ARHGEF28: variants seen among roughly 807,000 people sequenced by gnomAD.
ARHGEF28 encodes Rho guanine nucleotide exchange factor 28.
A neutral mutation model predicts 206.6 loss-of-function variants in ARHGEF28; 152 were observed. The ratio of observed to expected loss-of-function variants is 0.74; its 90% CI spans 0.64 to 0.84. The LOEUF (loss-of-function observed/expected upper bound fraction) is 0.84, where lower values mean the gene tolerates loss of function less well. Ranked by LOEUF, ARHGEF28 falls within the 40% of genes least tolerant of loss-of-function variation. The pLI, the probability that ARHGEF28 is intolerant of heterozygous loss-of-function variation, is 0.00. For synonymous variants in ARHGEF28, 763 were observed against 776.4 expected, an observed-to-expected ratio of 0.98 and a Z score of 0.29; for missense variants, 2,028 against 2,073.2, an observed-to-expected ratio of 0.98 and a Z score of 0.42.
chr5:73,688,077 T>G lies in ARHGEF28; in HGVS notation c.33+3193T>G, dbSNP rs1161168188. On this transcript the variant is annotated intron_variant, in intron 2 of 35. Transcript: ENST00000513042. ...AAGATATCCTCTCCATTGGAATTTG[T>G]GAAGAATCCATTACATATTGGGAGG... Among the ~76,000 whole-genome samples the G allele has an allele frequency of 4.6e-5, 7 of 152,310 alleles. No individual in the cohort carries two copies. The East Asian group carries it at 1.3e-3, about 29-fold the overall frequency.
chr5:73,691,016 A>G (rs976586416), intron 2 of ARHGEF28, among the ~76,000 whole-genome samples: 1 of 151,630 alleles, frequency 6.6e-6, no homozygotes, highest in Non-Finnish European at 1.5e-5. Flanking sequence ...TGCAGCCTCC[A>G]CCTCCTGGGT....
intron 2 of ARHGEF28, among the ~76,000 whole-genome samples, chr5:73,715,075 G>A (rs1273445618): frequency 6.6e-6 from 1 of 152,196 alleles, no homozygotes; most frequent in Non-Finnish European, 1.5e-5. Context: ...CCACCCTTGT[G>A]AAAACATTTC....
At chr5:73,656,465 C>T (rs1745208369) in intron 1 of ARHGEF28, among the ~76,000 whole-genome samples, 1 of 152,164 alleles carries the variant, frequency 6.6e-6, no homozygotes, top group Admixed American at 6.5e-5. Flanking sequence ...GTCTCTCTTT[C>T]TTTCATATCC....
chr5:73,933,089 C>T (rs1764224860), intron 35 of ARHGEF28, among the ~76,000 whole-genome samples: 2 of 152,058 alleles, frequency 1.3e-5, no homozygotes, highest in African/African-American at 4.8e-5. Context: ...GGATTACAGG[C>T]GTGAGCCACC....
chr5:73,830,572 A>AT (rs1757234637), intron 9 of ARHGEF28, among the ~76,000 whole-genome samples: 1 of 151,972 alleles, frequency 6.6e-6, no homozygotes, highest in Non-Finnish European at 1.5e-5. Flanking sequence ...AAAAAAAAAA[A>AT]AAAAAGAAAA....
At chr5:73,901,556 T>A in intron 31 of ARHGEF28, 1 of 198,322 alleles carries the variant, frequency 5.0e-6, no homozygotes, top group Admixed American at 5.7e-5. Context: ...CTGTGCTCTC[T>A]GACTTCTGGT....
intron 2 of ARHGEF28, among the ~76,000 whole-genome samples, chr5:73,699,011 G>C (rs1748405131): frequency 6.6e-6 from 1 of 152,098 alleles, no homozygotes; most frequent in Admixed American, 6.5e-5. Context: ...CACATTATAT[G>C]ATGGTCCTTG....
intron 2 of ARHGEF28, among the ~76,000 whole-genome samples, chr5:73,710,930 C>T (rs1749203834): frequency 6.6e-6 from 1 of 152,176 alleles, no homozygotes. Context: ...TCTCAAACTC[C>T]TAACCTCAAG....
At chr5:73,880,544 G>A (rs553424665) in intron 22 of ARHGEF28, among the ~76,000 whole-genome samples, 5 of 152,322 alleles carry the variant, frequency 3.3e-5, no homozygotes, top group East Asian at 1.9e-4. Flanking sequence ...GCTGTAGACC[G>A]GAGCTGTTCC....
At chr5:73,915,103 C>T (rs1218884347) in intron 35 of ARHGEF28, among the ~76,000 whole-genome samples, 1 of 151,940 alleles carries the variant, frequency 6.6e-6, no homozygotes, top group Non-Finnish European at 1.5e-5. Flanking sequence ...TTTGTAATGC[C>T]TAGTGGGATG....
chr5:73,851,986 C>G (rs1240168668), intron 13 of ARHGEF28, among the ~76,000 whole-genome samples: 1 of 152,160 alleles, frequency 6.6e-6, no homozygotes, highest in Non-Finnish European at 1.5e-5. Flanking sequence ...TGACTGCCCC[C>G]TCCTTCAGGC....
At chr5:73,851,199 C>A (rs1306417729) in intron 13 of ARHGEF28, among the ~76,000 whole-genome samples, 1 of 152,110 alleles carries the variant, frequency 6.6e-6, no homozygotes, top group African/African-American at 2.4e-5. Flanking sequence ...TAAATCCTTT[C>A]TTGATGAGTT....
intron 9 of ARHGEF28, among the ~76,000 whole-genome samples, chr5:73,801,865 A>C (rs543546780): frequency 6.6e-6 from 1 of 152,210 alleles, no homozygotes; most frequent in Non-Finnish European, 1.5e-5. Flanking sequence ...ATTTGTATAA[A>C]TTCCAACTCA....
chr5:73,721,221 G>A (rs1749919444), intron 2 of ARHGEF28, among the ~76,000 whole-genome samples: 2 of 152,092 alleles, frequency 1.3e-5, no homozygotes, highest in African/African-American at 4.8e-5. Flanking sequence ...GGAATAGGCT[G>A]GGTTGCATTG....
chr5:73,630,603 T>C (rs1298095077), intron 1 of ARHGEF28, among the ~76,000 whole-genome samples: 1 of 152,182 alleles, frequency 6.6e-6, no homozygotes, highest in East Asian at 1.9e-4. Flanking sequence ...GAGATGTCAG[T>C]GTGACCCCAG....
intron 16 of ARHGEF28, among the ~76,000 whole-genome samples, chr5:73,859,411 A>G (rs1759251954): frequency 6.6e-6 from 1 of 152,180 alleles, no homozygotes; most frequent in Non-Finnish European, 1.5e-5. Flanking sequence ...TTACCTCTGA[A>G]GCTCCTCATA....
intron 1 of ARHGEF28, among the ~76,000 whole-genome samples, chr5:73,683,950 G>T (rs1456401037): frequency 1.3e-5 from 2 of 152,232 alleles, no homozygotes; most frequent in East Asian, 3.9e-4. Flanking sequence ...TTCCATATGT[G>T]TGGAAACTAA....
chr5:73,873,383 G>A (rs912081329), intron 22 of ARHGEF28, 137 bp downstream of exon 22: 35 of 1,199,752 alleles, frequency 2.9e-5, no homozygotes, highest in Admixed American at 8.4e-5. Flanking sequence ...GTTTACCATC[G>A]TTAGATTGTA....
intron 1 of ARHGEF28, among the ~76,000 whole-genome samples, 190 bp downstream of exon 1, chr5:73,626,512 C>T (rs1479534503): frequency 6.6e-6 from 1 of 152,084 alleles, no homozygotes; most frequent in African/African-American, 2.4e-5. Context: ...CCCGCTCCCT[C>T]GGGAGCGGCA....
Sources: allele counts gnomAD v4.1 joint callset (sites outside exome capture counted in the v4.1 genomes callset), GRCh38; gene constraint gnomAD v4.1.1; transcripts MANE v1.5; gene names NCBI Gene and HGNC (gene_info 2026-07-23, HGNC 2026-07-21).